Variants in GABRG2 observed in about 807,000 individuals in gnomAD.
GABRG2 encodes the protein gamma-aminobutyric acid type A receptor subunit gamma2.
GABRG2 carries 16 observed loss-of-function variants against 56.4 expected under a neutral mutation model. The observed-to-expected ratio is 0.28, with a 90% CI of 0.19 to 0.43. GABRG2 has a LOEUF of 0.43. Ranked by LOEUF, GABRG2 falls within the 20% of genes least tolerant of loss-of-function variation. The pLI, the probability that GABRG2 is intolerant of heterozygous loss-of-function variation, is 1.00. For missense variants in GABRG2, 327 were observed against 582.7 expected (o/e 0.56, Z 4.52); for synonymous variants, 208 against 205.5 (o/e 1.01, Z -0.10).
intron 6 of GABRG2, among the ~76,000 whole-genome samples, chr5:162,141,227 C>T (rs1300654874): frequency 7.2e-5 from 11 of 152,028 alleles, no homozygotes; most frequent in South Asian, 2.1e-4. Flanking sequence ...TTAGTAGAGA[C>T]GGGGTTTCAC....
chr5:162,148,908 C>G (rs1442888807), intron 7 of GABRG2, among the ~76,000 whole-genome samples, 200 bp from the exon 8 acceptor site: 1 of 152,218 alleles, frequency 6.6e-6, no homozygotes, highest in African/African-American at 2.4e-5. Flanking sequence ...ATCTATTCAT[C>G]AGTGTTTGTC....
At chr5:162,145,423 T>C (rs1764884301) in intron 7 of GABRG2, among the ~76,000 whole-genome samples, 2 of 152,214 alleles carry the variant, frequency 1.3e-5, no homozygotes, top group Non-Finnish European at 2.9e-5. Context: ...TATGGATATA[T>C]TTCATCCACC....
intron 4 of GABRG2, chr5:162,099,648 C>G (rs992463009): frequency 6.6e-6 from 1 of 152,116 alleles, no homozygotes; most frequent in Non-Finnish European, 1.5e-5. Context: ...AAATATGAAG[C>G]CAATCATACT....
intron 1 of GABRG2, among the ~76,000 whole-genome samples, chr5:162,084,722 A>G (rs553869399): frequency 1.6e-4 from 25 of 152,048 alleles, no homozygotes; most frequent in African/African-American, 6.0e-4. Context: ...GAAGAAATAC[A>G]AAGTATTTCC....
In GABRG2 at chr5:162,068,050, T is replaced by G; in HGVS notation, c.51T>G (p.Pro17=). ...WSTGSSVYST[P]VFSQKMTVWI... ...CAGGAAGCTCAGTCTACTCGACTCCTGTATTTTCACAGAAAATGACGGTGT... is the reference window on the plus strand; with the variant it reads ...CAGGAAGCTCAGTCTACTCGACTCCGGTATTTTCACAGAAAATGACGGTGT... Residue 17 remains proline (P), a synonymous_variant, in exon 1 of 10, where the codon CCT becomes CCG. Transcript: ENST00000639213. The G allele has an allele frequency of 6.2e-7, 1 of 1,613,654 alleles. No homozygotes were observed. The highest frequency in any genetic ancestry group is 8.5e-7 in the Non-Finnish European group (1 of 1,179,826).
intron 4 of GABRG2, chr5:162,098,685 GGGCA>G (rs1229757011): frequency 4.6e-5 from 7 of 152,108 alleles, no homozygotes; most frequent in African/African-American, 1.7e-4. Flanking sequence ...AGGGACTTAG[GGGCA>G]GCTATCTGGT....
intron 6 of GABRG2, among the ~76,000 whole-genome samples, chr5:162,137,810 C>T (rs914944549): frequency 3.3e-5 from 5 of 152,046 alleles, no homozygotes; most frequent in Admixed American, 3.3e-4. Context: ...GAAAGATCTC[C>T]ACCCACCCAC....
At chr5:162,079,822 G>T (rs180852430) in intron 1 of GABRG2, among the ~76,000 whole-genome samples, 1 of 151,564 alleles carries the variant, frequency 6.6e-6, no homozygotes, top group Non-Finnish European at 1.5e-5. Flanking sequence ...TCACTCTGTC[G>T]CCCAGGCTGG....
rs1475875682 is a variant in GABRG2 at position 162,067,775 on chromosome 5, CAG to C, written c.-222_-221del. On this transcript the variant is annotated 5_prime_UTR_variant, in exon 1 of 10. Coordinates refer to ENST00000639213, the MANE Select transcript of GABRG2 (RefSeq NM_198904.4). ...CTCCCCCAGACTTGGAAGCCGCTGCCAGAGTGACGCTTTGATGGTATCTGCAA... is the reference window on the plus strand; with the variant it reads ...CTCCCCCAGACTTGGAAGCCGCTGCCAGTGACGCTTTGATGGTATCTGCAA... 2 of 610,524 alleles carry C rather than the reference CAG, an allele frequency of 3.3e-6. No homozygotes were observed. Among genetic ancestry groups the C allele is most frequent in the Non-Finnish European group, 5.8e-6 (2 of 345,972 alleles). The allele number at this position is 610,524 out of a possible 1,614,324, so 37.8% of individuals were successfully genotyped here.
At chr5:162,123,132 G>A (rs1284184331) in intron 6 of GABRG2, among the ~76,000 whole-genome samples, 2 of 151,582 alleles carry the variant, frequency 1.3e-5, no homozygotes, top group Non-Finnish European at 3.0e-5. Flanking sequence ...ATGACTAAAT[G>A]TTTTAATATT....
At chr5:162,141,505 G>A (rs1482746533) in intron 6 of GABRG2, among the ~76,000 whole-genome samples, 1 of 152,128 alleles carries the variant, frequency 6.6e-6, no homozygotes, top group Non-Finnish European at 1.5e-5. Flanking sequence ...TTGCAATGGT[G>A]AGCTTAAATG....
chr5:162,090,246 A>G lies in GABRG2; in HGVS notation c.108-3582A>G, dbSNP rs141355311. Among the ~76,000 whole-genome samples the G allele has an allele frequency of 4.1e-4, 63 of 152,164 alleles. 1 individual carries two copies. In the East Asian group the frequency reaches 0.012, roughly 29 times the overall value. On this transcript the variant is annotated intron_variant, in intron 1 of 9. Coordinates refer to ENST00000639213, the MANE Select transcript of GABRG2 (RefSeq NM_198904.4). ...TTTTATTTAAAAAAAACCCATCCCA[A>G]CACATACACATACACGTACACGTAC...
At position 162,068,047 on chromosome 5, in the gene GABRG2, T is replaced by C; in HGVS notation, c.48T>C (p.Thr16=). 6.2e-7 allele frequency: 1 copy of C among 1,613,376 alleles called. No individual in the cohort carries two copies. The highest frequency in any genetic ancestry group is 8.5e-7 in the Non-Finnish European group (1 of 1,179,776). Residue 16 remains threonine (T), a synonymous_variant, in exon 1 of 10, where the codon ACT becomes ACC. Coordinates refer to ENST00000639213, the MANE Select transcript of GABRG2 (RefSeq NM_198904.4). ...GCACAGGAAGCTCAGTCTACTCGAC[T>C]CCTGTATTTTCACAGAAAATGACGG... ...IWSTGSSVYS[T]PVFSQKMTVW... is the part of the protein sequence containing the mutation.
chr5:162,146,127 T>C lies in GABRG2; in HGVS notation c.923-2981T>C, dbSNP rs1012717556. On this transcript the variant is annotated intron_variant, in intron 7 of 9. Coordinates refer to ENST00000639213, the MANE Select transcript of GABRG2 (RefSeq NM_198904.4). ...AGGATCTCAAACCTCCCTAAGGTTC[T>C]ACCATGATAATATGGAAGACGCCAG... Among the ~76,000 whole-genome samples the C allele has an allele frequency of 2.2e-4, 34 of 152,058 alleles. 1 individual carries two copies. The highest frequency in any genetic ancestry group is 2.9e-4 in the Non-Finnish European group (20 of 68,028).
At chr5:162,088,052 G>C (rs915739618) in intron 1 of GABRG2, among the ~76,000 whole-genome samples, 1 of 152,042 alleles carries the variant, frequency 6.6e-6, no homozygotes, top group East Asian at 1.9e-4. Flanking sequence ...GCACACTCAT[G>C]CATAGAGCAC....
chr5:162,115,119 G>A (rs1405184115), intron 6 of GABRG2, among the ~76,000 whole-genome samples: 1 of 152,058 alleles, frequency 6.6e-6, no homozygotes, highest in Non-Finnish European at 1.5e-5. Context: ...GCTGTGTATA[G>A]AGCTCTGCAT....
At chr5:162,079,978 G>A (rs939155219) in intron 1 of GABRG2, among the ~76,000 whole-genome samples, 1 of 152,026 alleles carries the variant, frequency 6.6e-6, no homozygotes. Flanking sequence ...AAACGCACAT[G>A]ATTCTGTTCA....
In GABRG2 at chr5:162,152,279, C is replaced by G. The variant is rs568170730; in HGVS notation, c.1152+526C>G. ...AGAGTGATCCCTGAGCCTTTTGGCT[C>G]TACTATAATGTGTTGCAATGAGATT... On this transcript the variant is annotated intron_variant, in intron 9 of 9. Coordinates refer to ENST00000639213, the MANE Select transcript of GABRG2 (RefSeq NM_198904.4). 8 of 208,642 alleles carry G rather than the reference C, an allele frequency of 3.8e-5. No homozygotes were observed. The South Asian group carries it at 4.6e-4, about 12-fold the overall frequency. 12.9% of individuals were successfully genotyped at this position (208,642 alleles called of 1,614,324 possible). A position where few individuals can be genotyped will look rare whatever the true frequency, so the allele number is the denominator to read the frequency against.
chr5:162,076,552 A>G (rs924725288), intron 1 of GABRG2, among the ~76,000 whole-genome samples: 4 of 152,212 alleles, frequency 2.6e-5, no homozygotes, highest in African/African-American at 9.6e-5. Flanking sequence ...ACATCCTGTC[A>G]TACAAGACTC....
Sources: allele counts gnomAD v4.1 joint callset (sites outside exome capture counted in the v4.1 genomes callset), GRCh38; gene constraint gnomAD v4.1.1; transcripts MANE v1.5; gene names NCBI Gene and HGNC (gene_info 2026-07-23, HGNC 2026-07-21).